The following DPF3 variants were observed in gnomAD, a reference collection of about 807,000 sequenced individuals.
DPF3 encodes the protein zinc finger protein DPF3.
In DPF3, 18 loss-of-function variants were observed where a neutral mutation model predicts 56.8. The ratio of observed to expected loss-of-function variants is 0.32; its 90% CI spans 0.22 to 0.47. The LOEUF is 0.47. DPF3 is among the 20% of genes least tolerant of loss of function. The pLI, the probability that DPF3 is intolerant of heterozygous loss-of-function variation, is 1.00. For synonymous variants in DPF3, 188 were observed against 180.2 expected (o/e 1.04, Z -0.35); for missense variants, 403 against 488.8 (o/e 0.82, Z 1.65).
At chr14:72,620,295 G>C (rs1884350990) in intron 9 of DPF3, among the ~76,000 whole-genome samples, 1 of 152,086 alleles carries the variant, frequency 6.6e-6, no homozygotes, top group African/African-American at 2.4e-5. Flanking sequence ...TTATTCTTCT[G>C]AACTTCCAAA....
At chr14:72,704,603 T>C (rs1256348342) in intron 6 of DPF3, among the ~76,000 whole-genome samples, 2 of 152,172 alleles carry the variant, frequency 1.3e-5, no homozygotes, top group Non-Finnish European at 2.9e-5. Flanking sequence ...ACAACAACTG[T>C]CCATTAGCAT....
At chr14:72,671,040 A>G in intron 8 of DPF3, 1 of 1,508,126 alleles carries the variant, frequency 6.6e-7, no homozygotes, top group Non-Finnish European at 8.9e-7. Context: ...GAAAATCTAA[A>G]GTTGCCTTTC....
intron 8 of DPF3, among the ~76,000 whole-genome samples, chr14:72,663,073 TA>T (rs1886287681): frequency 6.8e-6 from 1 of 147,408 alleles, no homozygotes; most frequent in African/African-American, 2.5e-5. Flanking sequence ...CAGCCAGGAA[TA>T]GGGCAGGTCA....
chr14:72,633,497 T>C (rs1358293370), intron 8 of DPF3, among the ~76,000 whole-genome samples: 2 of 151,862 alleles, frequency 1.3e-5, no homozygotes, highest in Non-Finnish European at 1.5e-5. Flanking sequence ...GAGAGAAACA[T>C]GGCAAGAGGT....
chr14:72,819,903 ACTCC>A (rs1386282333), intron 1 of DPF3, among the ~76,000 whole-genome samples: 4 of 152,312 alleles, frequency 2.6e-5, no homozygotes, highest in Admixed American at 6.5e-5. Flanking sequence ...GCACCACTAC[ACTCC>A]AACCTGGGCG....
intron 6 of DPF3, among the ~76,000 whole-genome samples, chr14:72,714,181 C>T (rs1186836078): frequency 6.6e-6 from 1 of 152,186 alleles, no homozygotes; most frequent in Non-Finnish European, 1.5e-5. Flanking sequence ...GGTGGGGGTG[C>T]AGAACTGAGG....
intron 6 of DPF3, among the ~76,000 whole-genome samples, chr14:72,701,615 A>T (rs1452115449): frequency 1.3e-5 from 2 of 152,216 alleles, no homozygotes; most frequent in Non-Finnish European, 2.9e-5. Flanking sequence ...TGCAGCAGAC[A>T]GCAGAATCCT....
chr14:72,836,400 G>A (rs1012546621), intron 1 of DPF3: 2 of 985,320 alleles, frequency 2.0e-6, no homozygotes, highest in African/African-American at 3.5e-5. Context: ...CAAACCCCTG[G>A]CCTACTCCAG....
At chr14:72,731,637 G>A in intron 4 of DPF3, 170 bp downstream of exon 4, 2 of 864,000 alleles carry the variant, frequency 2.3e-6, no homozygotes, top group Admixed American at 2.8e-5. Context: ...CGGAAGATAG[G>A]TTAAGTCAGA....
At chr14:72,733,666 C>T (rs1889767461) in intron 3 of DPF3, among the ~76,000 whole-genome samples, 4 of 152,158 alleles carry the variant, frequency 2.6e-5, no homozygotes, top group African/African-American at 9.7e-5. Flanking sequence ...CTTCACACAG[C>T]CTACCGAGCT....
chr14:72,639,496 G>T (rs556507835), intron 8 of DPF3, among the ~76,000 whole-genome samples: 1 of 152,158 alleles, frequency 6.6e-6, no homozygotes, highest in Non-Finnish European at 1.5e-5. Flanking sequence ...TTCATCTTCC[G>T]AATCCTCTCT....
intron 1 of DPF3, among the ~76,000 whole-genome samples, chr14:72,790,465 C>T (rs1394575784): frequency 2.0e-5 from 3 of 152,094 alleles, no homozygotes; most frequent in Non-Finnish European, 4.4e-5. Flanking sequence ...CTTAATTGGA[C>T]ACTTTATTTT....
rs1211424564 is a variant in DPF3 at position 72,760,594 on chromosome 14, C to T, written c.194-7223G>A. 2.0e-5 allele frequency among the ~76,000 whole-genome samples: 3 copies of T among 152,104 alleles called. No homozygotes were observed. In the East Asian group the frequency reaches 5.8e-4, roughly 29 times the overall value. On this transcript the variant is annotated intron_variant, in intron 2 of 10. Transcript: ENST00000556509. ...ATTAATCACAGTACTATTGTAGACT[C>T]CTTATACTATTCATGAAATAGAATA... is the stretch of plus-strand genomic sequence containing the variant.
intron 6 of DPF3, among the ~76,000 whole-genome samples, chr14:72,697,916 C>T (rs1449736188): frequency 2.6e-5 from 4 of 152,204 alleles, no homozygotes; most frequent in African/African-American, 7.2e-5. Flanking sequence ...CCTCTTCTGA[C>T]ACCACGTTCT....
At chr14:72,800,211 C>G (rs1341629832) in intron 1 of DPF3, among the ~76,000 whole-genome samples, 6 of 152,214 alleles carry the variant, frequency 3.9e-5, no homozygotes, top group Non-Finnish European at 8.8e-5. Context: ...TGCCACACAT[C>G]AAACCTGAAA....
intron 6 of DPF3, among the ~76,000 whole-genome samples, chr14:72,705,247 T>C (rs1163677290): frequency 6.6e-6 from 1 of 152,006 alleles, no homozygotes; most frequent in African/African-American, 2.4e-5. Context: ...CAAACCCTAC[T>C]GCAAACTGCA....
chr14:72,677,442 A>G (rs144780470), intron 7 of DPF3, among the ~76,000 whole-genome samples: 60 of 152,310 alleles, frequency 3.9e-4, no homozygotes, highest in Middle Eastern at 3.4e-3. Flanking sequence ...CAGCTAAAAC[A>G]TATCAGTCAT....
In DPF3 at chr14:72,751,188, C is replaced by T. The variant is rs1183196963; in HGVS notation, c.301+2076G>A. 3.3e-5 allele frequency among the ~76,000 whole-genome samples: 5 copies of T among 152,072 alleles called. 1 individual carries two copies. The South Asian group carries it at 6.2e-4, about 19-fold the overall frequency. On this transcript the variant is annotated intron_variant, in intron 3 of 10. Coordinates refer to ENST00000556509, the MANE Select transcript of DPF3 (RefSeq NM_001280542.3). ...CTGGGCAACAGAGCGTGACCCTACC[C>T]TCTAAACAAAAATTAAAAAATAAAA...
intron 1 of DPF3, among the ~76,000 whole-genome samples, chr14:72,875,613 G>A (rs1038600452): frequency 9.9e-5 from 15 of 152,222 alleles, no homozygotes; most frequent in African/African-American, 2.4e-4. Flanking sequence ...CACCCAAGCC[G>A]TGGGTCACAC....
Sources: allele counts gnomAD v4.1 joint callset (sites outside exome capture counted in the v4.1 genomes callset), GRCh38; gene constraint gnomAD v4.1.1; transcripts MANE v1.5; gene names NCBI Gene and HGNC (gene_info 2026-07-23, HGNC 2026-07-21).